KIF3A: variants seen among roughly 807,000 people sequenced by gnomAD.
KIF3A encodes the protein kinesin family member 3A.
KIF3A carries 27 observed loss-of-function variants against 92.6 expected under a neutral mutation model. The ratio of observed to expected loss-of-function variants is 0.29; its 90% CI spans 0.21 to 0.40. The LOEUF (loss-of-function observed/expected upper bound fraction) is 0.40. KIF3A is among the 10% of genes least tolerant of loss of function. The pLI is 1.00. For missense variants in KIF3A, 581 were observed against 872.6 expected, an observed-to-expected ratio of 0.67 and a Z score of 4.21; for synonymous variants, 250 against 275.4, an observed-to-expected ratio of 0.91 and a Z score of 0.92.
chr5:132,699,494 C>G, intron 17 of KIF3A, 199 bp from the exon 18 acceptor site: 1 of 632,772 alleles, frequency 1.6e-6, no homozygotes, highest in African/African-American at 1.8e-5. Flanking sequence ...AGCCCTGACA[C>G]ACTATAAATT....
At chr5:132,718,464 C>A (rs1241426421) in intron 5 of KIF3A, among the ~76,000 whole-genome samples, 5 of 152,112 alleles carry the variant, frequency 3.3e-5, no homozygotes, top group Non-Finnish European at 7.3e-5. Flanking sequence ...TGCGCACCAC[C>A]ACGCCCAGCT....
intron 16 of KIF3A, 52 bp downstream of exon 16, chr5:132,700,595 C>T (rs1753003709): frequency 2.4e-6 from 3 of 1,239,996 alleles, no homozygotes; most frequent in African/African-American, 1.5e-5. Context: ...AATTTCTAGA[C>T]CATAGGAAGT....
At chr5:132,735,996 C>T (rs1016763096) in intron 1 of KIF3A, among the ~76,000 whole-genome samples, 11 of 152,214 alleles carry the variant, frequency 7.2e-5, no homozygotes, top group African/African-American at 2.4e-4. Flanking sequence ...ATCTTCAATC[C>T]CCTCTTCACT....
At chr5:132,697,368 A>C (rs560384017) in intron 18 of KIF3A, among the ~76,000 whole-genome samples, 1 of 152,310 alleles carries the variant, frequency 6.6e-6, no homozygotes. Context: ...TTAAACTAAA[A>C]AAATGACGTA....
intron 5 of KIF3A, among the ~76,000 whole-genome samples, chr5:132,717,462 C>T (rs1032774242): frequency 1.3e-5 from 2 of 151,878 alleles, no homozygotes; most frequent in African/African-American, 2.4e-5. Flanking sequence ...TGCACTCCAG[C>T]TTGAACATAT....
intron 12 of KIF3A, 32 bp from the exon 13 acceptor site, chr5:132,703,097 A>T: frequency 1.3e-6 from 2 of 1,526,214 alleles, no homozygotes; most frequent in Non-Finnish European, 1.8e-6. Flanking sequence ...CTCTATATTC[A>T]CTGATGATCT....
At chr5:132,722,217 A>C (rs1753848503) in intron 4 of KIF3A, among the ~76,000 whole-genome samples, 1 of 152,232 alleles carries the variant, frequency 6.6e-6, no homozygotes, top group Non-Finnish European at 1.5e-5. Context: ...AAATTCAATT[A>C]ATAAGTGTAT....
At chr5:132,701,091 T>C (rs188744008) in intron 15 of KIF3A, among the ~76,000 whole-genome samples, 4 of 150,350 alleles carry the variant, frequency 2.7e-5, no homozygotes, top group Admixed American at 2.7e-4. Flanking sequence ...ATAAGGAGAA[T>C]GTACCATGAA....
chr5:132,711,507 A>T (rs1753421606), intron 8 of KIF3A, among the ~76,000 whole-genome samples: 1 of 151,984 alleles, frequency 6.6e-6, no homozygotes, highest in Non-Finnish European at 1.5e-5. Flanking sequence ...CAGGAGAATC[A>T]CTTGAACCCA....
rs1293932693 is a variant in KIF3A at position 132,693,721 on chromosome 5, C to A, written c.*2913G>T. On this transcript the variant is annotated 3_prime_UTR_variant, in exon 19 of 19. Transcript: ENST00000403231. ...TTGAGGCCAGGCGTGGTGGCTCACA[C>A]CTGTAATCCCAGCACTTTGGGAGGC... 1 of 152,528 alleles carries A rather than the reference C, an allele frequency of 6.6e-6. No homozygotes were observed. The highest frequency in any genetic ancestry group is 2.4e-5 in the African/African-American group (1 of 41,390). 9.4% of individuals were successfully genotyped at this position (152,528 alleles called of 1,614,324 possible). A position where few individuals can be genotyped will look rare whatever the true frequency, so the allele number is the denominator to read the frequency against.
At chr5:132,704,082 T>A (rs1167209374) in intron 11 of KIF3A, among the ~76,000 whole-genome samples, 2 of 151,860 alleles carry the variant, frequency 1.3e-5, no homozygotes, top group African/African-American at 4.8e-5. Context: ...AAGTCATATA[T>A]AGGTATAAAA....
intron 9 of KIF3A, 60 bp from the exon 10 acceptor site, chr5:132,709,038 C>T: frequency 8.0e-7 from 1 of 1,248,482 alleles, no homozygotes; most frequent in Non-Finnish European, 1.1e-6. Context: ...AGAAAATGAA[C>T]ACACACACAG....
In KIF3A at chr5:132,720,734, T is replaced by A; in HGVS notation, c.511-20A>T. ...TTTAACCTAAAAAAAAATTAAGACT[T>A]TATACTATATCAATAACTCTTCCAC... is the stretch of plus-strand genomic sequence containing the variant. On this transcript the variant is annotated intron_variant, in intron 4 of 18. Coordinates refer to ENST00000403231, the MANE Select transcript of KIF3A (RefSeq NM_001300791.2). 2 of 1,338,992 alleles carry A rather than the reference T, an allele frequency of 1.5e-6. No homozygotes were observed. Among genetic ancestry groups the A allele is most frequent in the Admixed American group, 3.6e-5 (2 of 55,376 alleles). The allele number at this position is 1,338,992 out of a possible 1,614,324, so 82.9% of individuals were successfully genotyped here. A position where few individuals can be genotyped will look rare whatever the true frequency, so the allele number is the denominator to read the frequency against.
chr5:132,727,063 T>A (rs1447175131), intron 2 of KIF3A, among the ~76,000 whole-genome samples: 1 of 152,214 alleles, frequency 6.6e-6, no homozygotes, highest in Non-Finnish European at 1.5e-5. Flanking sequence ...AAATGATAGC[T>A]TTTTTCTTAA....
Position 132,716,451 on chromosome 5 carries a change from A to G in KIF3A, c.757-9T>C, listed in dbSNP as rs756998690. On this transcript the variant is annotated splice_polypyrimidine_tract_variant and intron_variant, in intron 6 of 18. Coordinates refer to ENST00000403231, the MANE Select transcript of KIF3A (RefSeq NM_001300791.2). ...GCCTGTCTTTCTGAACCCTAGCAAT[A>G]AACAGAGATGAAAGTAAAGCTAAAA... 11 of 1,603,062 alleles carry G rather than the reference A, an allele frequency of 6.9e-6. No homozygotes were observed. The highest frequency in any genetic ancestry group is 9.4e-6 in the Non-Finnish European group (11 of 1,175,220).
intron 2 of KIF3A, among the ~76,000 whole-genome samples, chr5:132,728,709 C>T (rs921129883): frequency 6.6e-6 from 1 of 151,676 alleles, no homozygotes; most frequent in Non-Finnish European, 1.5e-5. Flanking sequence ...TGCACTCCAG[C>T]CAGGGTGACA....
intron 6 of KIF3A, 108 bp from the exon 7 acceptor site, chr5:132,716,550 G>T: frequency 1.1e-6 from 1 of 883,040 alleles, no homozygotes; most frequent in Non-Finnish European, 1.7e-6. Context: ...CTGATATGAT[G>T]CCTGAATTCA....
chr5:132,719,508 CT>C (rs902935654), intron 5 of KIF3A, among the ~76,000 whole-genome samples: 18 of 146,282 alleles, frequency 1.2e-4, no homozygotes, highest in Admixed American at 2.0e-4. Context: ...CTCTTTTTTT[CT>C]TTTTTTTTTG....
chr5:132,714,497 G>C (rs566398378), intron 8 of KIF3A, among the ~76,000 whole-genome samples: 2 of 152,110 alleles, frequency 1.3e-5, no homozygotes, highest in African/African-American at 4.8e-5. Flanking sequence ...AACCTTCAAC[G>C]TTCTGTTAAG....
Sources: gnomAD v4.1 joint callset for allele counts (sites outside exome capture counted in the v4.1 genomes callset) on GRCh38, gnomAD v4.1.1 for gene constraint, MANE v1.5 for transcripts, NCBI Gene and HGNC (gene_info 2026-07-23, HGNC 2026-07-21) for gene names.